The following IL1RL2 variants were observed in gnomAD, a reference collection of about 807,000 sequenced individuals.
IL1RL2 encodes the protein interleukin 1 receptor like 2.
Under a neutral mutation model 66.8 loss-of-function variants are expected in IL1RL2, and 68 were observed. That is an observed-to-expected ratio of 1.02 (90% CI 0.84 to 1.25). The LOEUF (loss-of-function observed/expected upper bound fraction) is 1.25, where lower values mean the gene tolerates loss of function less well. Among genes scored for constraint, IL1RL2 ranks in the 50% most tolerant of loss-of-function variants. The pLI is 0.00. For missense variants in IL1RL2, 729 were observed against 709.3 expected, an observed-to-expected ratio of 1.03 and a Z score of -0.32; for synonymous variants, 305 against 264.6, an observed-to-expected ratio of 1.15 and a Z score of -1.48.
intron 9 of IL1RL2, among the ~76,000 whole-genome samples, chr2:102,227,614 C>G (rs1047669625): frequency 6.6e-6 from 1 of 152,080 alleles, no homozygotes; most frequent in Non-Finnish European, 1.5e-5. Context: ...GAGGCCGCCC[C>G]GTCTAAGCAC....
chr2:102,216,910 A>G (rs1340681330), intron 6 of IL1RL2, among the ~76,000 whole-genome samples: 2 of 152,174 alleles, frequency 1.3e-5, no homozygotes, highest in Non-Finnish European at 2.9e-5. Context: ...ACATCATTAT[A>G]CATTGCGTGT....
chr2:102,197,804 T>G (rs1687913863), intron 4 of IL1RL2, among the ~76,000 whole-genome samples: 1 of 152,222 alleles, frequency 6.6e-6, no homozygotes, highest in African/African-American at 2.4e-5. Flanking sequence ...CTTCCTGATG[T>G]GGCATTACTT....
At chr2:102,196,729 T>C (rs1687818670) in intron 4 of IL1RL2, among the ~76,000 whole-genome samples, 1 of 151,832 alleles carries the variant, frequency 6.6e-6, no homozygotes, top group Admixed American at 6.6e-5. Flanking sequence ...GCAAGGAAGG[T>C]CAGTAATTAG....
At chr2:102,228,667 C>T (rs549736004) in intron 9 of IL1RL2, among the ~76,000 whole-genome samples, 40 of 144,282 alleles carry the variant, frequency 2.8e-4, no homozygotes, top group African/African-American at 8.7e-4. Flanking sequence ...ACAAGCCAAA[C>T]AGTTAGAGTG....
intron 10 of IL1RL2, among the ~76,000 whole-genome samples, chr2:102,234,229 T>A (rs1223095011): frequency 6.6e-6 from 1 of 152,232 alleles, no homozygotes; most frequent in Non-Finnish European, 1.5e-5. Flanking sequence ...TCCTATCCTT[T>A]TAAAATCTAT....
At position 102,233,033 on chromosome 2, in the gene IL1RL2, T is replaced by A. The variant is rs1177670447; in HGVS notation, c.1206T>A (p.Asp402Glu). Residue 402 changes from aspartate to glutamate, a missense_variant, in exon 10 of 12, where the codon GAT becomes GAA. Asp to Glu is a conservative substitution (Grantham distance 45). Coordinates refer to ENST00000264257, the MANE Select transcript of IL1RL2 (RefSeq NM_003854.4). ...AGGAAAGCCAGAGGCATGCCGTGGA[T>A]GCCCTGGTGTTGAATATCCTGCCCG... ...PHKESQRHAV[D>E]ALVLNILPEV... The A allele has an allele frequency of 6.2e-7, 1 of 1,614,194 alleles. No homozygotes were observed.
chr2:102,233,980 G>A (rs1159712368), intron 10 of IL1RL2, among the ~76,000 whole-genome samples: 1 of 152,108 alleles, frequency 6.6e-6, no homozygotes, highest in Non-Finnish European at 1.5e-5. Flanking sequence ...CAGCCAAGCG[G>A]AAGGGCCTGT....
chr2:102,224,582 C>T lies in IL1RL2; in HGVS notation c.992-1316C>T, dbSNP rs12468673. On this transcript the variant is annotated intron_variant, in intron 8 of 11. Coordinates refer to ENST00000264257, the MANE Select transcript of IL1RL2 (RefSeq NM_003854.4). ...GAGGCTGGGAAGGGTAGTGGTGAAG[C>T]GGGGATAAAGAGAGGTTGGTTAATG... 4.6e-5 allele frequency among the ~76,000 whole-genome samples: 7 copies of T among 151,666 alleles called. No homozygotes were observed. In the South Asian group the frequency reaches 8.3e-4, roughly 18 times the overall value.
rs186662037 is a variant in IL1RL2 at position 102,209,834 on chromosome 2, G to T, written c.650-2266G>T. Among the ~76,000 whole-genome samples, 13 of 152,270 alleles carry T rather than the reference G, an allele frequency of 8.5e-5. No individual in the cohort carries two copies. In the East Asian group the frequency reaches 2.5e-3, roughly 29 times the overall value. ...AGTGCTGATAGTCTCAACTTGGGAA[G>T]AGGCCATGGGGGAGCTCTCCTTCAA... On this transcript the variant is annotated intron_variant, in intron 5 of 11. Transcript: ENST00000264257.
At chr2:102,225,833 A>G in intron 8 of IL1RL2, 65 bp from the exon 9 acceptor site, 1 of 1,308,856 alleles carries the variant, frequency 7.6e-7, no homozygotes, top group Non-Finnish European at 1.0e-6. Context: ...AGTAAAGTAT[A>G]TAATGGACTC....
chr2:102,222,214 C>T (rs1427965857), intron 8 of IL1RL2, among the ~76,000 whole-genome samples: 1 of 152,102 alleles, frequency 6.6e-6, no homozygotes, highest in African/African-American at 2.4e-5. Context: ...TAGCTTAGTT[C>T]ATTAATTTAC....
intron 4 of IL1RL2, among the ~76,000 whole-genome samples, chr2:102,195,242 G>C (rs985519663): frequency 1.3e-5 from 2 of 152,160 alleles, no homozygotes; most frequent in African/African-American, 4.8e-5. Context: ...AGACTTCCTA[G>C]TTTTAATGCA....
At chr2:102,241,333 A>T (rs570840108), downstream of IL1RL2, among the ~76,000 whole-genome samples, 1 of 152,018 alleles carries the variant, frequency 6.6e-6, no homozygotes, top group African/African-American at 2.4e-5. Context: ...GGTCATAGGG[A>T]TTTCAGAGAG....
chr2:102,194,790 C>T (rs1687521558), intron 4 of IL1RL2, among the ~76,000 whole-genome samples: 1 of 152,010 alleles, frequency 6.6e-6, no homozygotes, highest in African/African-American at 2.4e-5. Context: ...CTCTGTTGCC[C>T]CGGCTGGAGT....
In IL1RL2 at chr2:102,235,036, C is replaced by T. The variant is rs35960329; in HGVS notation, c.1437C>T (p.Asp479=). 22,566 of 1,614,110 alleles carry T rather than the reference C, an allele frequency of 0.014. 196 individuals are homozygous for T. The highest frequency in any genetic ancestry group is 0.015 in the Non-Finnish European group (18,241 of 1,180,028). Residue 479 remains aspartate, a synonymous_variant, in exon 11 of 12, where the codon GAC becomes GAT. Transcript: ENST00000264257. ...QIAVYSALIQ[D]GMKVILIELE... ...CGGTCTACAGTGCCCTGATCCAGGA[C>T]GGGATGAAGGTTATTCTCATTGAGC...
chr2:102,187,445 T>TC lies in IL1RL2; in HGVS notation c.-13+361dup, dbSNP rs542670394. ...GAGGACACAGGCGCGCAGGGGAGGCTCCGTGCGCCGCGAGCGGGGTTGGGG... is the reference window on the plus strand; with the variant it reads ...GAGGACACAGGCGCGCAGGGGAGGCTCCCGTGCGCCGCGAGCGGGGTTGGGG... On this transcript the variant is annotated intron_variant, in intron 1 of 11. Coordinates refer to ENST00000264257, the MANE Select transcript of IL1RL2 (RefSeq NM_003854.4). The TC allele has an allele frequency of 3.6e-4, 372 of 1,029,068 alleles. 2 individuals are homozygous for TC. In the African/African-American group the frequency reaches 5.6e-3, roughly 16 times the overall value. 63.7% of individuals were successfully genotyped at this position (1,029,068 alleles called of 1,614,324 possible). A position where few individuals can be genotyped will look rare whatever the true frequency, so the allele number is the denominator to read the frequency against.
downstream of IL1RL2, among the ~76,000 whole-genome samples, chr2:102,241,121 G>C (rs543711975): frequency 6.6e-6 from 1 of 152,340 alleles, no homozygotes; most frequent in African/African-American, 2.4e-5. Context: ...GCATCCCGGG[G>C]TGCACACATT....
Position 102,239,399 on chromosome 2 carries a change from TG to T in IL1RL2, c.*162del. ...GAGAAGAGGAGGATGGGATAAGAAC[TG>T]GGGCCATCCCCATGTCATGGTGGGT... On this transcript the variant is annotated 3_prime_UTR_variant, in exon 12 of 12. Coordinates refer to ENST00000264257, the MANE Select transcript of IL1RL2 (RefSeq NM_003854.4). The T allele has an allele frequency of 1.5e-6, 1 of 661,118 alleles. No individual in the cohort carries two copies. The highest frequency in any genetic ancestry group is 2.7e-6 in the Non-Finnish European group (1 of 366,604). 41.0% of individuals were successfully genotyped at this position (661,118 alleles called of 1,614,324 possible).
At position 102,233,140 on chromosome 2, in the gene IL1RL2, G is replaced by A; in HGVS notation, c.1297+16G>A. The A allele has an allele frequency of 6.3e-7, 1 of 1,593,600 alleles. No individual in the cohort carries two copies. The highest frequency in any genetic ancestry group is 8.6e-7 in the Non-Finnish European group (1 of 1,165,126). On this transcript the variant is annotated intron_variant, in intron 10 of 11. Transcript: ENST00000264257. ...CCTGGACAAGGTGGGTTTTAAGTGA[G>A]GTGTAAAAATAACAAATAAAAGAAG...
Sources: allele counts gnomAD v4.1 joint callset (sites outside exome capture counted in the v4.1 genomes callset), GRCh38; gene constraint gnomAD v4.1.1; transcripts MANE v1.5; gene names NCBI Gene and HGNC (gene_info 2026-07-23, HGNC 2026-07-21).